ERG28: variants seen among roughly 807,000 people sequenced by gnomAD.
The protein encoded by ERG28 is ergosterol biosynthesis 28 homolog.
Under a neutral mutation model 15.7 loss-of-function variants are expected in ERG28, and 9 were observed. The ratio of observed to expected loss-of-function variants is 0.57; its 90% CI spans 0.35 to 1.00. ERG28 has a LOEUF of 1.00. ERG28 is among the 50% of genes least tolerant of loss of function. The pLI is 0.02. For synonymous variants in ERG28, 61 were observed against 68.4 expected, an observed-to-expected ratio of 0.89 and a Z score of 0.53; for missense variants, 117 against 173.3, an observed-to-expected ratio of 0.68 and a Z score of 1.82.
chr14:75,650,833 T>C lies in ERG28; in HGVS notation c.*722A>G, dbSNP rs1890515152. 1 of 152,420 alleles carries C rather than the reference T, an allele frequency of 6.6e-6. No individual in the cohort carries two copies. Among genetic ancestry groups the C allele is most frequent in the African/African-American group, 2.4e-5 (1 of 41,464 alleles). 9.4% of individuals were successfully genotyped at this position (152,420 alleles called of 1,614,324 possible). A position where few individuals can be genotyped will look rare whatever the true frequency, so the allele number is the denominator to read the frequency against. ...ATCAGGCATAAAGCTGTGATTCTCCTAGGGCTCAGAGGAGGCAGCCATGCT... is the reference window on the plus strand; with the variant it reads ...ATCAGGCATAAAGCTGTGATTCTCCCAGGGCTCAGAGGAGGCAGCCATGCT... On this transcript the variant is annotated 3_prime_UTR_variant, in exon 5 of 5. Transcript: ENST00000256319.
chr14:75,658,337 A>G (rs1890624477), intron 1 of ERG28, among the ~76,000 whole-genome samples: 1 of 152,160 alleles, frequency 6.6e-6, no homozygotes, highest in Non-Finnish European at 1.5e-5. Flanking sequence ...AATAAAAGTT[A>G]TATTCTGCCA....
Position 75,651,282 on chromosome 14 carries a change from G to A in ERG28, c.*273C>T. 3.4e-6 allele frequency: 1 copy of A among 293,988 alleles called. No individual in the cohort carries two copies. The highest frequency in any genetic ancestry group is 6.4e-6 in the Non-Finnish European group (1 of 156,426). 18.2% of individuals were successfully genotyped at this position (293,988 alleles called of 1,614,324 possible). On this transcript the variant is annotated 3_prime_UTR_variant, in exon 5 of 5. Coordinates refer to ENST00000256319, the MANE Select transcript of ERG28 (RefSeq NM_007176.4). ...AGCCTGGAAGAGGTTGCAGGTAGGG[G>A]AAGGAGACACAGTGGGCTTCCGAGA...
intron 3 of ERG28, among the ~76,000 whole-genome samples, chr14:75,652,963 A>G (rs1890548446): frequency 6.6e-6 from 1 of 151,662 alleles, no homozygotes; most frequent in Admixed American, 6.6e-5. Context: ...AGCTGGGACT[A>G]CAGGTGCACA....
chr14:75,652,178 A>T (rs1036623913), intron 3 of ERG28, among the ~76,000 whole-genome samples: 2 of 152,264 alleles, frequency 1.3e-5, no homozygotes, highest in African/African-American at 4.8e-5. Flanking sequence ...GCAGAGCCTG[A>T]ATGATGACAA....
intron 3 of ERG28, among the ~76,000 whole-genome samples, chr14:75,654,318 C>G (rs890189988): frequency 5.3e-5 from 8 of 152,196 alleles, no homozygotes; most frequent in Non-Finnish European, 8.8e-5. Flanking sequence ...AAGCTCGAGC[C>G]CCCTCTAGTG....
At chr14:75,652,559 T>C (rs1031161404) in intron 3 of ERG28, among the ~76,000 whole-genome samples, 1 of 152,188 alleles carries the variant, frequency 6.6e-6, no homozygotes, top group African/African-American at 2.4e-5. Context: ...TAGTATAAAA[T>C]TTTTTAAAAT....
rs201490138 is a variant in ERG28, at chr14:75,657,434, C to T, written c.69G>A (p.Thr23=). 3.0e-5 allele frequency: 48 copies of T among 1,613,952 alleles called. No individual in the cohort carries two copies. The highest frequency in any genetic ancestry group is 2.0e-4 in the Admixed American group (12 of 60,002). The change falls in exon 2 of 5, where the codon ACG becomes ACA. Residue 23 remains threonine, a synonymous_variant. Coordinates refer to ENST00000256319, the MANE Select transcript of ERG28 (RefSeq NM_007176.4). ...AAGTGTGGTCTCGGAAGCTCTGCAGCGTGTTCCCCATGGCTATGATGGACA... is the reference window on the plus strand; with the variant it reads ...AAGTGTGGTCTCGGAAGCTCTGCAGTGTGTTCCCCATGGCTATGATGGACA... The part of the protein sequence containing the change: ...VMVSIIAMGN[T]LQSFRDHTFL...
At chr14:75,652,817 CTTTTTT>C (rs59570063) in intron 3 of ERG28, among the ~76,000 whole-genome samples, 1 of 96,210 alleles carries the variant, frequency 1.0e-5, no homozygotes, top group African/African-American at 5.0e-5. Flanking sequence ...ATTTTTACAC[CTTTTTT>C]TTTTTTTTTT....
At position 75,651,467 on chromosome 14, in the gene ERG28, T is replaced by C; in HGVS notation, c.*88A>G. ...GTGAATAAAAGGGCAGATGATGGAATAGAAAAGAAATTAAAGAGGAGAGAC... is the reference window on the plus strand; with the variant it reads ...GTGAATAAAAGGGCAGATGATGGAACAGAAAAGAAATTAAAGAGGAGAGAC... On this transcript the variant is annotated 3_prime_UTR_variant, in exon 5 of 5. Coordinates refer to ENST00000256319, the MANE Select transcript of ERG28 (RefSeq NM_007176.4). The C allele has an allele frequency of 1.5e-6, 2 of 1,311,074 alleles. No individual in the cohort carries two copies. The highest frequency in any genetic ancestry group is 2.6e-5 in the South Asian group (2 of 75,880). 81.2% of individuals were successfully genotyped at this position (1,311,074 alleles called of 1,614,324 possible). A position where few individuals can be genotyped will look rare whatever the true frequency, so the allele number is the denominator to read the frequency against.
intron 2 of ERG28, 83 bp downstream of exon 2, chr14:75,657,287 A>G: frequency 6.7e-7 from 1 of 1,502,816 alleles, no homozygotes; most frequent in Non-Finnish European, 9.1e-7. Flanking sequence ...GGTTACTCTG[A>G]TGTACAGCCT....
At chr14:75,655,041 C>T in intron 2 of ERG28, 65 bp from the exon 3 acceptor site, 1 of 1,475,590 alleles carries the variant, frequency 6.8e-7, no homozygotes, top group Non-Finnish European at 9.5e-7. Flanking sequence ...CAAACTCCTC[C>T]TATTTCACTG....
intron 3 of ERG28, among the ~76,000 whole-genome samples, chr14:75,653,678 A>G (rs1338096522): frequency 6.6e-6 from 1 of 152,060 alleles, no homozygotes; most frequent in South Asian, 2.1e-4. Flanking sequence ...CAAAAGATAT[A>G]TCCCTCATAC....
At chr14:75,653,534 G>A (rs1017483631) in intron 3 of ERG28, among the ~76,000 whole-genome samples, 4 of 151,804 alleles carry the variant, frequency 2.6e-5, no homozygotes, top group Non-Finnish European at 2.9e-5. Flanking sequence ...CCCAGGAGGC[G>A]GAGGTGGAGG....
chr14:75,656,529 T>C (rs940752069), intron 2 of ERG28, among the ~76,000 whole-genome samples: 1 of 152,212 alleles, frequency 6.6e-6, no homozygotes, highest in Non-Finnish European at 1.5e-5. Flanking sequence ...CTTATTATAT[T>C]TGAGCTTTCT....
intron 3 of ERG28, among the ~76,000 whole-genome samples, chr14:75,654,331 C>A (rs1890569247): frequency 6.6e-6 from 1 of 152,188 alleles, no homozygotes; most frequent in Non-Finnish European, 1.5e-5. Context: ...CTCTAGTGGC[C>A]AGCACTGGTT....
At chr14:75,657,061 G>T (rs1489177254) in intron 2 of ERG28, among the ~76,000 whole-genome samples, 1 of 149,362 alleles carries the variant, frequency 6.7e-6, no homozygotes, top group African/African-American at 2.5e-5. Flanking sequence ...GCCCAGGGCA[G>T]TGTAAAATCA....
chr14:75,655,625 G>C (rs555970190), intron 2 of ERG28, among the ~76,000 whole-genome samples: 2 of 152,186 alleles, frequency 1.3e-5, no homozygotes, highest in Admixed American at 6.5e-5. Context: ...TGTCCTGAAA[G>C]TATAGGTCAT....
chr14:75,651,482 AGAG>A lies in ERG28; in HGVS notation c.*70_*72del. ...GATGATGGAATAGAAAAGAAATTAA[AGAG>A]GAGAGACGACGAAGGAAGAAGATGG... On this transcript the variant is annotated 3_prime_UTR_variant, in exon 5 of 5. Coordinates refer to ENST00000256319, the MANE Select transcript of ERG28 (RefSeq NM_007176.4). The A allele has an allele frequency of 7.1e-7, 1 of 1,402,108 alleles. No homozygotes were observed. 86.9% of individuals were successfully genotyped at this position (1,402,108 alleles called of 1,614,324 possible).
At chr14:75,653,273 G>A (rs955412845) in intron 3 of ERG28, among the ~76,000 whole-genome samples, 8 of 152,078 alleles carry the variant, frequency 5.3e-5, no homozygotes, top group Admixed American at 2.6e-4. Context: ...TGTCCTGTGT[G>A]GGGAGAGGTG....
Sources: allele counts gnomAD v4.1 joint callset (sites outside exome capture counted in the v4.1 genomes callset), GRCh38; gene constraint gnomAD v4.1.1; transcripts MANE v1.5; gene names NCBI Gene and HGNC (gene_info 2026-07-23, HGNC 2026-07-21).